Variants in MAP3K20 observed in about 807,000 individuals in gnomAD.
MAP3K20 encodes the protein HCCS-4.
MAP3K20 carries 40 observed loss-of-function variants against 85.7 expected under a neutral mutation model. The ratio of observed to expected loss-of-function variants is 0.47; its 90% CI spans 0.36 to 0.61. The LOEUF (loss-of-function observed/expected upper bound fraction) is 0.61, where lower values mean the gene tolerates loss of function less well. Among genes scored for constraint, MAP3K20 ranks in the 20% least tolerant of loss-of-function variants. The pLI is 0.00. For synonymous variants in MAP3K20, 325 were observed against 327.7 expected (o/e 0.99, Z 0.09); for missense variants, 817 against 961.7 (o/e 0.85, Z 1.99).
In MAP3K20 at chr2:173,075,980, C is replaced by T. The variant is rs2106127238; in HGVS notation, c.-57C>T. The T allele has an allele frequency of 2.0e-6, 2 of 985,054 alleles. No homozygotes were observed. The highest frequency in any genetic ancestry group is 5.2e-4 in the Middle Eastern group (1 of 1,912). The allele number at this position is 985,054 out of a possible 1,614,324, so 61.0% of individuals were successfully genotyped here. On this transcript the variant is annotated 5_prime_UTR_variant, in exon 1 of 20. Transcript: ENST00000375213. ...GGGGCCTCCGCGCCCCCGGCTGCTGCTCACGCCCCGCCCGGGAGCCAGGTA... is the reference window on the plus strand; with the variant it reads ...GGGGCCTCCGCGCCCCCGGCTGCTGTTCACGCCCCGCCCGGGAGCCAGGTA...
At chr2:173,197,089 G>A (rs1690869218) in intron 7 of MAP3K20, among the ~76,000 whole-genome samples, 1 of 152,026 alleles carries the variant, frequency 6.6e-6, no homozygotes, top group Admixed American at 6.6e-5. Context: ...AATAAGCGGT[G>A]GTGGTTTTTA....
At chr2:173,255,785 A>T (rs1685144143) in intron 16 of MAP3K20, among the ~76,000 whole-genome samples, 1 of 152,212 alleles carries the variant, frequency 6.6e-6, no homozygotes, top group Non-Finnish European at 1.5e-5. Context: ...TTGACAGGCA[A>T]AAGAAACTGA....
chr2:173,261,179 T>G (rs761047365), intron 18 of MAP3K20, 42 bp downstream of exon 18: 1 of 1,578,688 alleles, frequency 6.3e-7, no homozygotes, highest in Non-Finnish European at 8.7e-7. Context: ...CACCATCAGT[T>G]AATGAATATA....
chr2:173,221,386 G>A (rs1037758177), intron 11 of MAP3K20: 1 of 1,613,942 alleles, frequency 6.2e-7, no homozygotes, highest in African/African-American at 1.3e-5. Context: ...AAGCCAAGCA[G>A]AATTCTTCCA....
Position 173,090,980 on chromosome 2 carries a change from TTTTC to T in MAP3K20, c.-34-8_-34-5del. On this transcript the variant is annotated splice_polypyrimidine_tract_variant and intron_variant, in intron 1 of 19. Transcript: ENST00000375213. Reference sequence around the variant, plus strand: ...AATATATTTGTAATTCAGCTTTTCTTTTTCTTTCTTTCTGCAGATTTTGTGGAAG... The same window carrying T: ...AATATATTTGTAATTCAGCTTTTCTTTTTCTTTCTGCAGATTTTGTGGAAG... The T allele has an allele frequency of 1.9e-6, 3 of 1,561,694 alleles. No homozygotes were observed. Among genetic ancestry groups the T allele is most frequent in the Non-Finnish European group, 2.6e-6 (3 of 1,155,798 alleles).
chr2:173,142,941 C>A (rs1442578971), intron 2 of MAP3K20, among the ~76,000 whole-genome samples: 1 of 152,022 alleles, frequency 6.6e-6, no homozygotes, highest in Admixed American at 6.6e-5. Flanking sequence ...GCAGGAGGAT[C>A]ACTTGAGCCC....
intron 2 of MAP3K20, among the ~76,000 whole-genome samples, chr2:173,126,351 C>T (rs950479834): frequency 3.3e-5 from 5 of 151,876 alleles, no homozygotes; most frequent in Non-Finnish European, 4.4e-5. Context: ...AACAAAGTAA[C>T]GATGAATTTT....
Position 173,242,699 on chromosome 2 carries a change from C to CTTTT in MAP3K20, c.1359+3225_1359+3228dup, listed in dbSNP as rs68173816. On this transcript the variant is annotated intron_variant, in intron 16 of 19. Coordinates refer to ENST00000375213, the MANE Select transcript of MAP3K20 (RefSeq NM_016653.3). ...TGGTCACCCATCCAGAGTAATCTTT[C>CTTTT]TTTTTTTTTTTTTTTTTTTTTTTTT... 4.6e-3 allele frequency among the ~76,000 whole-genome samples: 375 copies of CTTTT among 80,890 alleles called. 4 individuals carry two copies. The highest frequency in any genetic ancestry group is 6.2e-3 in the Non-Finnish European group (277 of 44,998). The allele number at this position is 80,890 out of a possible 152,430, so 53.1% of individuals were successfully genotyped here.
chr2:173,114,448 C>G (rs1042262930), intron 2 of MAP3K20, among the ~76,000 whole-genome samples: 1 of 151,956 alleles, frequency 6.6e-6, no homozygotes, highest in Non-Finnish European at 1.5e-5. Context: ...TGCCTGTGTA[C>G]TTTGGTTTTT....
At chr2:173,132,362 C>A (rs143014962) in intron 2 of MAP3K20, among the ~76,000 whole-genome samples, 1 of 152,262 alleles carries the variant, frequency 6.6e-6, no homozygotes, top group Non-Finnish European at 1.5e-5. Flanking sequence ...TCTTCTCCTC[C>A]GGCTGACTCC....
chr2:173,221,176 G>C, intron 11 of MAP3K20: 4 of 1,549,680 alleles, frequency 2.6e-6, no homozygotes, highest in Non-Finnish European at 3.5e-6. Flanking sequence ...CTGCAAGAAT[G>C]TCTGAGGAGT....
At chr2:173,104,170 G>A (rs1446871531) in intron 2 of MAP3K20, among the ~76,000 whole-genome samples, 1 of 152,200 alleles carries the variant, frequency 6.6e-6, no homozygotes, top group Non-Finnish European at 1.5e-5. Context: ...TTTACAGTGG[G>A]CTAACCTGAC....
chr2:173,238,869 A>C (rs1684715694), intron 15 of MAP3K20, among the ~76,000 whole-genome samples: 1 of 152,248 alleles, frequency 6.6e-6, no homozygotes, highest in Admixed American at 6.5e-5. Flanking sequence ...GTTTAAAGGA[A>C]TATGGCATAC....
At chr2:173,195,601 A>C (rs1434524903) in intron 7 of MAP3K20, among the ~76,000 whole-genome samples, 1 of 152,214 alleles carries the variant, frequency 6.6e-6, no homozygotes, top group Non-Finnish European at 1.5e-5. Context: ...TGACTTCCTC[A>C]GTAAAGTTAC....
chr2:173,157,696 G>C (rs1689519223), intron 2 of MAP3K20, among the ~76,000 whole-genome samples: 1 of 152,170 alleles, frequency 6.6e-6, no homozygotes, highest in Admixed American at 6.5e-5. Context: ...TTTGCATAGA[G>C]AGAGTGCCTC....
chr2:173,259,720 A>G (rs1685241661), intron 17 of MAP3K20, among the ~76,000 whole-genome samples: 1 of 152,246 alleles, frequency 6.6e-6, no homozygotes, highest in South Asian at 2.1e-4. Flanking sequence ...AAGCAGATTG[A>G]TTTGATATTC....
At chr2:173,263,042 G>GT (rs961156936) in intron 18 of MAP3K20, among the ~76,000 whole-genome samples, 1 of 152,112 alleles carries the variant, frequency 6.6e-6, no homozygotes, top group Non-Finnish European at 1.5e-5. Flanking sequence ...TCACTTCAGA[G>GT]TTTTTTAAAA....
intron 1 of MAP3K20, among the ~76,000 whole-genome samples, chr2:173,086,011 G>A (rs1286156508): frequency 6.6e-6 from 1 of 151,780 alleles, no homozygotes. Flanking sequence ...GACCAGGCTG[G>A]TCTCGAACTC....
chr2:173,214,950 G>A (rs970621695), intron 10 of MAP3K20, among the ~76,000 whole-genome samples: 17 of 152,130 alleles, frequency 1.1e-4, no homozygotes, highest in Non-Finnish European at 1.2e-4. Flanking sequence ...CTGCAGTGTT[G>A]GGAGTGCTGT....
Sources: gnomAD v4.1 joint callset for allele counts (sites outside exome capture counted in the v4.1 genomes callset) on GRCh38, gnomAD v4.1.1 for gene constraint, MANE v1.5 for transcripts, NCBI Gene and HGNC (gene_info 2026-07-23, HGNC 2026-07-21) for gene names.